Variants in ZMAT4 observed in about 807,000 individuals in gnomAD.
The protein encoded by ZMAT4 is zinc finger matrin-type 4.
In ZMAT4, 17 loss-of-function variants were observed where a neutral mutation model predicts 28.7. The ratio of observed to expected loss-of-function variants is 0.59; its 90% CI spans 0.41 to 0.89. ZMAT4 has a LOEUF of 0.89. ZMAT4 is among the 40% of genes least tolerant of loss of function. The pLI is 0.00. For synonymous variants in ZMAT4, 117 were observed against 109.2 expected (o/e 1.07, Z -0.44); for missense variants, 240 against 283.8 (o/e 0.85, Z 1.11).
intron 5 of ZMAT4, among the ~76,000 whole-genome samples, chr8:40,614,045 CCTT>C (rs1428919645): frequency 6.6e-6 from 1 of 152,188 alleles, no homozygotes; most frequent in Admixed American, 6.5e-5. Context: ...TGCTGGGTCA[CCTT>C]CTGTGTCATC....
intron 3 of ZMAT4, among the ~76,000 whole-genome samples, chr8:40,733,237 AG>A (rs1811620703): frequency 6.6e-6 from 1 of 152,112 alleles, no homozygotes; most frequent in South Asian, 2.1e-4. Context: ...CAATTATCGC[AG>A]GGGGTTCAGT....
chr8:40,587,347 T>G (rs1804703313), intron 5 of ZMAT4, among the ~76,000 whole-genome samples: 1 of 152,084 alleles, frequency 6.6e-6, no homozygotes, highest in South Asian at 2.1e-4. Flanking sequence ...ATCTCAGAAA[T>G]TATTAATATG....
intron 1 of ZMAT4, among the ~76,000 whole-genome samples, chr8:40,865,310 C>T (rs9298605): frequency 0.12 from 17,621 of 152,200 alleles, 1,215 homozygotes; most frequent in African/African-American, 0.17. Flanking sequence ...ATACAAGCCA[C>T]GACTGATATC....
At chr8:40,641,460 T>A (rs1189090320) in intron 5 of ZMAT4, among the ~76,000 whole-genome samples, 1 of 152,342 alleles carries the variant, frequency 6.6e-6, no homozygotes, top group South Asian at 2.1e-4. Flanking sequence ...CAAGAATTTG[T>A]ACAGAAAAGA....
At chr8:40,872,319 C>T (rs1472807902) in intron 1 of ZMAT4, among the ~76,000 whole-genome samples, 2 of 152,232 alleles carry the variant, frequency 1.3e-5, no homozygotes, top group African/African-American at 4.8e-5. Context: ...AAAAGCTGCC[C>T]AGCCCTCCAG....
At chr8:40,846,672 G>A (rs931018705) in intron 1 of ZMAT4, among the ~76,000 whole-genome samples, 2 of 152,152 alleles carry the variant, frequency 1.3e-5, no homozygotes, top group Non-Finnish European at 2.9e-5. Context: ...ACTGACTCAG[G>A]AACTGCAGGA....
chr8:40,552,119 T>C (rs970434344), intron 6 of ZMAT4, among the ~76,000 whole-genome samples: 1 of 152,188 alleles, frequency 6.6e-6, no homozygotes, highest in African/African-American at 2.4e-5. Flanking sequence ...AGGATTAAAA[T>C]CTACTTGGAA....
intron 5 of ZMAT4, among the ~76,000 whole-genome samples, chr8:40,661,616 A>G (rs1808199488): frequency 6.6e-6 from 1 of 152,192 alleles, no homozygotes; most frequent in Non-Finnish European, 1.5e-5. Context: ...TTATAATTTT[A>G]GAAACAAACA....
chr8:40,835,022 G>A (rs955200409), intron 1 of ZMAT4, among the ~76,000 whole-genome samples: 2 of 152,220 alleles, frequency 1.3e-5, no homozygotes, highest in African/African-American at 4.8e-5. Flanking sequence ...AGATGTCAGG[G>A]AAAGCGTGGA....
rs563722933 is a variant in ZMAT4 at position 40,618,073 on chromosome 8, C to T, written c.578-36812G>A. Among the ~76,000 whole-genome samples, 13 of 152,310 alleles carry T rather than the reference C, an allele frequency of 8.5e-5. No homozygotes were observed. In the South Asian group the frequency reaches 2.3e-3, roughly 27 times the overall value. On this transcript the variant is annotated intron_variant, in intron 5 of 6. Coordinates refer to ENST00000297737, the MANE Select transcript of ZMAT4 (RefSeq NM_024645.3). ...AGCTGGATGTATGAGTTGGACTCAT[C>T]ATTGCTTTCTGTACATTAATCTCTA...
intron 5 of ZMAT4, among the ~76,000 whole-genome samples, chr8:40,642,524 A>G (rs1443678509): frequency 1.3e-5 from 2 of 152,190 alleles, no homozygotes; most frequent in Non-Finnish European, 1.5e-5. Context: ...CATCCCTTTA[A>G]GACAATATAT....
At chr8:40,695,239 C>T (rs534917152) in intron 4 of ZMAT4, among the ~76,000 whole-genome samples, 10 of 152,208 alleles carry the variant, frequency 6.6e-5, no homozygotes, top group Non-Finnish European at 1.3e-4. Context: ...ACTACTTGCT[C>T]CCTCTAGTAG....
At chr8:40,540,812 T>C (rs1349971833) in intron 6 of ZMAT4, among the ~76,000 whole-genome samples, 5 of 152,208 alleles carry the variant, frequency 3.3e-5, no homozygotes, top group African/African-American at 1.2e-4. Flanking sequence ...CAAACCTCTC[T>C]GATTCTGATT....
At chr8:40,815,321 C>T (rs1361657623) in intron 2 of ZMAT4, among the ~76,000 whole-genome samples, 1 of 152,024 alleles carries the variant, frequency 6.6e-6, no homozygotes, top group Non-Finnish European at 1.5e-5. Context: ...AAATAACAAT[C>T]AGAGGTAAGT....
intron 2 of ZMAT4, among the ~76,000 whole-genome samples, chr8:40,794,263 G>A (rs1423208627): frequency 6.6e-6 from 1 of 152,160 alleles, no homozygotes; most frequent in Non-Finnish European, 1.5e-5. Context: ...ATGAGAAATA[G>A]CTTGTTGGCA....
At chr8:40,615,790 G>A (rs145226079) in intron 5 of ZMAT4, among the ~76,000 whole-genome samples, 2,400 of 152,152 alleles carry the variant, frequency 0.016, 178 homozygotes, top group East Asian at 0.11. Context: ...GGTCATTTAA[G>A]GACTTCTCTA....
intron 5 of ZMAT4, among the ~76,000 whole-genome samples, chr8:40,639,161 C>G (rs1423414238): frequency 6.6e-6 from 1 of 152,236 alleles, no homozygotes; most frequent in Non-Finnish European, 1.5e-5. Flanking sequence ...GGACCGGCCA[C>G]TCTTCAGAAG....
intron 4 of ZMAT4, among the ~76,000 whole-genome samples, chr8:40,675,870 A>T (rs1808887085): frequency 6.6e-6 from 1 of 152,216 alleles, no homozygotes; most frequent in Non-Finnish European, 1.5e-5. Context: ...ACTATAGATC[A>T]GGTGTACTTA....
intron 5 of ZMAT4, among the ~76,000 whole-genome samples, chr8:40,604,089 G>T (rs1335660570): frequency 6.6e-6 from 1 of 152,288 alleles, no homozygotes; most frequent in East Asian, 1.9e-4. Context: ...AAACTTTACT[G>T]AATTCATTTA....
Sources: allele counts gnomAD v4.1 joint callset (sites outside exome capture counted in the v4.1 genomes callset), GRCh38; gene constraint gnomAD v4.1.1; transcripts MANE v1.5; gene names NCBI Gene and HGNC (gene_info 2026-07-23, HGNC 2026-07-21).